RALGPS2: variants seen among roughly 807,000 people sequenced by gnomAD.
RALGPS2 encodes ras-specific guanine nucleotide-releasing factor RalGPS2.
In RALGPS2, 43 loss-of-function variants were observed where a neutral mutation model predicts 86.8. That is an observed-to-expected ratio of 0.50 (90% CI 0.39 to 0.64). The LOEUF is 0.64. RALGPS2 is among the 30% of genes least tolerant of loss of function. The pLI is 0.00. For missense variants in RALGPS2, 536 were observed against 694.6 expected (o/e 0.77, Z 2.57); for synonymous variants, 243 against 231.3 (o/e 1.05, Z -0.46).
At chr1:178,765,840 A>G in intron 1 of RALGPS2, among the ~76,000 whole-genome samples, 1 of 152,224 alleles carries the variant, frequency 6.6e-6, no homozygotes, top group East Asian at 1.9e-4. Flanking sequence ...TGCTTTTGAA[A>G]GAAGAGAAAT....
intron 1 of RALGPS2, among the ~76,000 whole-genome samples, chr1:178,735,319 T>C (rs1372458247): frequency 1.3e-5 from 2 of 152,026 alleles, no homozygotes; most frequent in Non-Finnish European, 2.9e-5. Flanking sequence ...AACTCATGTA[T>C]GGTGATAGAA....
rs1660851449 is a variant in RALGPS2, at chr1:178,917,465, T to C, written c.*1106T>C. The C allele has an allele frequency of 6.6e-6, 1 of 152,176 alleles. No individual in the cohort carries two copies. The highest frequency in any genetic ancestry group is 1.5e-5 in the Non-Finnish European group (1 of 68,014). The allele number at this position is 152,176 out of a possible 1,614,324, so 9.4% of individuals were successfully genotyped here. ...TTAAAAGGTAACACATAGAGATGTA[T>C]GTATATATTTTGTTATAAGACATAC... On this transcript the variant is annotated 3_prime_UTR_variant, in exon 20 of 20. Transcript: ENST00000367635.
intron 8 of RALGPS2, among the ~76,000 whole-genome samples, chr1:178,848,911 T>A (rs1657005827): frequency 6.6e-6 from 1 of 152,198 alleles, no homozygotes. Flanking sequence ...ATTACAGATG[T>A]GAGCCACCAC....
chr1:178,729,042 G>T (rs535133191), intron 1 of RALGPS2, among the ~76,000 whole-genome samples: 13 of 152,274 alleles, frequency 8.5e-5, no homozygotes, highest in Admixed American at 3.3e-4. Context: ...TCATTACAGA[G>T]AAACTTTTGG....
chr1:178,892,486 C>A (rs1256017970), intron 15 of RALGPS2, among the ~76,000 whole-genome samples, 179 bp downstream of exon 15: 4 of 152,096 alleles, frequency 2.6e-5, no homozygotes, highest in African/African-American at 9.7e-5. Context: ...TTCAACTATT[C>A]TTTCTGATCC....
chr1:178,788,682 C>G (rs1653786786), intron 4 of RALGPS2, among the ~76,000 whole-genome samples: 1 of 152,080 alleles, frequency 6.6e-6, no homozygotes, highest in Non-Finnish European at 1.5e-5. Flanking sequence ...AGGGTGAGGG[C>G]TAGATGGTGT....
rs1047696592 is a variant in RALGPS2, at chr1:178,725,282, G to T, written c.-221G>T. On this transcript the variant is annotated 5_prime_UTR_variant, in exon 1 of 20. Coordinates refer to ENST00000367635, the MANE Select transcript of RALGPS2 (RefSeq NM_152663.5). ...GAGCGGCAGCGGCGGCGGCGGCGGC[G>T]GCTGCTGCGGGCGCTGAATGAGAGA... 6 of 175,588 alleles carry T rather than the reference G, an allele frequency of 3.4e-5. No homozygotes were observed. The highest frequency in any genetic ancestry group is 1.3e-4 in the South Asian group (1 of 7,594). The allele number at this position is 175,588 out of a possible 1,614,324, so 10.9% of individuals were successfully genotyped here.
intron 1 of RALGPS2, among the ~76,000 whole-genome samples, chr1:178,732,125 G>A (rs1650402770): frequency 2.0e-5 from 3 of 152,120 alleles, no homozygotes; most frequent in Admixed American, 2.0e-4. Context: ...CATCATCTGA[G>A]AGTAAGGAAG....
At chr1:178,809,851 T>C (rs1318754586) in intron 5 of RALGPS2, among the ~76,000 whole-genome samples, 2 of 152,172 alleles carry the variant, frequency 1.3e-5, no homozygotes, top group African/African-American at 4.8e-5. Context: ...ACTAACACTT[T>C]CTTCATCAAA....
chr1:178,813,426 C>T (rs1318194499), intron 6 of RALGPS2, among the ~76,000 whole-genome samples: 1 of 152,164 alleles, frequency 6.6e-6, no homozygotes. Context: ...TTTGACAGCA[C>T]TTGCCTTCAT....
intron 4 of RALGPS2, among the ~76,000 whole-genome samples, chr1:178,789,218 T>G (rs1336595681): frequency 6.6e-6 from 1 of 152,198 alleles, no homozygotes; most frequent in Non-Finnish European, 1.5e-5. Flanking sequence ...TAAGCAGCTC[T>G]TTGATACTGC....
At chr1:178,860,946 C>T (rs906522383) in intron 8 of RALGPS2, among the ~76,000 whole-genome samples, 1 of 152,154 alleles carries the variant, frequency 6.6e-6, no homozygotes, top group Admixed American at 6.5e-5. Context: ...TAATTGAGCA[C>T]ATTGTGTAAG....
intron 8 of RALGPS2, among the ~76,000 whole-genome samples, chr1:178,875,687 G>A (rs1455927482): frequency 5.3e-5 from 8 of 152,050 alleles, no homozygotes; most frequent in Non-Finnish European, 8.8e-5. Flanking sequence ...GGCAGAGGTG[G>A]CAGTGAGCCG....
intron 19 of RALGPS2, among the ~76,000 whole-genome samples, chr1:178,909,135 T>C (rs1660504342): frequency 6.6e-6 from 1 of 152,248 alleles, no homozygotes; most frequent in Admixed American, 6.5e-5. Flanking sequence ...TATCCAGTTA[T>C]CCTAGCAGCA....
chr1:178,746,336 TA>T (rs555094616), intron 1 of RALGPS2, among the ~76,000 whole-genome samples: 19 of 152,340 alleles, frequency 1.2e-4, no homozygotes, highest in Admixed American at 3.3e-4. Context: ...TCCTTATATA[TA>T]TTTTTTTATT....
chr1:178,853,588 AT>A, intron 8 of RALGPS2: 1 of 1,589,582 alleles, frequency 6.3e-7, no homozygotes, highest in South Asian at 1.2e-5. Flanking sequence ...TGCATCACTG[AT>A]TTACCTTATA....
intron 8 of RALGPS2, chr1:178,852,772 C>A: frequency 1.2e-6 from 2 of 1,613,892 alleles, no homozygotes; most frequent in African/African-American, 1.3e-5. Context: ...CTGGTAAGTT[C>A]CCAGGCGCAG....
At chr1:178,738,028 C>G (rs1650818620) in intron 1 of RALGPS2, among the ~76,000 whole-genome samples, 1 of 151,944 alleles carries the variant, frequency 6.6e-6, no homozygotes, top group South Asian at 2.1e-4. Context: ...AATCCTCTTG[C>G]CTCAGACTCC....
At chr1:178,735,251 C>T (rs545885718) in intron 1 of RALGPS2, among the ~76,000 whole-genome samples, 2 of 152,054 alleles carry the variant, frequency 1.3e-5, no homozygotes, top group Admixed American at 6.6e-5. Flanking sequence ...CAAAAGAGTA[C>T]GTACTCCATG....
Sources: gnomAD v4.1 joint callset for allele counts (sites outside exome capture counted in the v4.1 genomes callset) on GRCh38, gnomAD v4.1.1 for gene constraint, MANE v1.5 for transcripts, NCBI Gene and HGNC (gene_info 2026-07-23, HGNC 2026-07-21) for gene names.